Variants in VMP1 observed in about 807,000 individuals in gnomAD.
VMP1 encodes ectopic P-granules autophagy protein 3 homolog.
Under a neutral mutation model 56.0 loss-of-function variants are expected in VMP1, and 11 were observed. The ratio of observed to expected loss-of-function variants is 0.20; its 90% CI spans 0.12 to 0.32. VMP1 has a LOEUF of 0.32. VMP1 is among the 10% of genes least tolerant of loss of function. The pLI is 1.00. For synonymous variants in VMP1, 149 were observed against 165.0 expected (o/e 0.90, Z 0.74); for missense variants, 296 against 490.3 (o/e 0.60, Z 3.74).
chr17:59,838,630 A>G (rs918419163), intron 11 of VMP1: 16 of 508,576 alleles, frequency 3.1e-5, no homozygotes, highest in Non-Finnish European at 4.3e-5. Flanking sequence ...ATGGAAAGTA[A>G]TGGTTCTGTT....
intron 7 of VMP1, among the ~76,000 whole-genome samples, chr17:59,802,500 A>G (rs2037707685): frequency 6.6e-6 from 1 of 152,182 alleles, no homozygotes; most frequent in Non-Finnish European, 1.5e-5. Context: ...AGGTAATTTA[A>G]ACTTCCATAA....
chr17:59,722,657 A>G (rs558714732), intron 1 of VMP1, among the ~76,000 whole-genome samples: 2 of 152,334 alleles, frequency 1.3e-5, no homozygotes, highest in African/African-American at 4.8e-5. Flanking sequence ...CGTGGCCAAC[A>G]TGGTGAAACC....
At chr17:59,768,476 G>A (rs763590857) in intron 6 of VMP1, among the ~76,000 whole-genome samples, 1 of 151,892 alleles carries the variant, frequency 6.6e-6, no homozygotes, top group Admixed American at 6.6e-5. Flanking sequence ...GGTGGTGGGT[G>A]CCTGTAGTCA....
At chr17:59,790,650 C>T (rs2037192593) in intron 7 of VMP1, among the ~76,000 whole-genome samples, 1 of 151,968 alleles carries the variant, frequency 6.6e-6, no homozygotes, top group Non-Finnish European at 1.5e-5. Context: ...ATTAGCCGGG[C>T]AGTAGTGGCA....
intron 7 of VMP1, among the ~76,000 whole-genome samples, chr17:59,789,542 C>A (rs1242563438): frequency 6.6e-6 from 1 of 151,126 alleles, no homozygotes; most frequent in Non-Finnish European, 1.5e-5. Flanking sequence ...AAAAAAAAGG[C>A]CCTGTATTGA....
At chr17:59,759,916 T>G (rs1408029983) in intron 5 of VMP1, among the ~76,000 whole-genome samples, 1 of 149,388 alleles carries the variant, frequency 6.7e-6, no homozygotes, top group East Asian at 1.9e-4. Flanking sequence ...TTTTTTTTTT[T>G]TTTTTTTGGT....
chr17:59,744,884 A>C (rs2035367644), intron 5 of VMP1, among the ~76,000 whole-genome samples: 1 of 152,160 alleles, frequency 6.6e-6, no homozygotes, highest in South Asian at 2.1e-4. Flanking sequence ...AGCATTTATA[A>C]AATATAATTT....
chr17:59,771,988 T>C (rs1265174493), intron 6 of VMP1, among the ~76,000 whole-genome samples: 1 of 152,146 alleles, frequency 6.6e-6, no homozygotes, highest in Non-Finnish European at 1.5e-5. Flanking sequence ...AGGCTTAATC[T>C]TTTGGCAGTT....
chr17:59,794,663 T>C (rs1014759737), intron 7 of VMP1, among the ~76,000 whole-genome samples: 2 of 151,256 alleles, frequency 1.3e-5, no homozygotes, highest in African/African-American at 4.9e-5. Context: ...GAGAGCACTG[T>C]ATGTTTGTGT....
chr17:59,829,023 G>A (rs1166290630), intron 10 of VMP1, among the ~76,000 whole-genome samples: 1 of 152,184 alleles, frequency 6.6e-6, no homozygotes, highest in Non-Finnish European at 1.5e-5. Context: ...GGTTGAGGCA[G>A]GAGAATCGCT....
At chr17:59,708,023 C>T (rs1401389577) in intron 1 of VMP1, 2 of 152,228 alleles carry the variant, frequency 1.3e-5, no homozygotes, top group Non-Finnish European at 2.9e-5. Flanking sequence ...TACTTGGAAG[C>T]CTTGCTAGGC....
At chr17:59,709,231 T>A (rs1331913910) in intron 1 of VMP1, among the ~76,000 whole-genome samples, 1 of 152,254 alleles carries the variant, frequency 6.6e-6, no homozygotes, top group Non-Finnish European at 1.5e-5. Flanking sequence ...AATTTGCTTC[T>A]TGATTATATA....
chr17:59,797,343 A>T (rs1200535643), intron 7 of VMP1, among the ~76,000 whole-genome samples: 2 of 150,396 alleles, frequency 1.3e-5, no homozygotes, highest in Non-Finnish European at 3.0e-5. Flanking sequence ...TCTGTCTCAA[A>T]AAAAAAAAAA....
intron 9 of VMP1, among the ~76,000 whole-genome samples, chr17:59,813,235 A>G (rs1399530882): frequency 6.6e-6 from 1 of 152,166 alleles, no homozygotes; most frequent in African/African-American, 2.4e-5. Flanking sequence ...ATTTTGTTCA[A>G]TCAACGAACA....
At position 59,713,524 on chromosome 17, in the gene VMP1, T is replaced by C. The variant is rs192963813; in HGVS notation, c.-27+5776T>C. 2.5e-3 allele frequency among the ~76,000 whole-genome samples: 372 copies of C among 151,456 alleles called. 4 individuals carry two copies. Among genetic ancestry groups the C allele is most frequent in the African/African-American group, 6.8e-3 (280 of 41,214 alleles). On this transcript the variant is annotated intron_variant, in intron 1 of 11. Transcript: ENST00000262291. ...GGACCAGATGAGTCACCTGGGGAGA[T>C]AGGGAGAGGAGAGGGCCAAGGGCAG...
chr17:59,831,394 A>C (rs1394198401), intron 10 of VMP1, among the ~76,000 whole-genome samples: 1 of 151,788 alleles, frequency 6.6e-6, no homozygotes, highest in East Asian at 1.9e-4. Flanking sequence ...GCTGATCTCA[A>C]ACTCTTGGCC....
chr17:59,803,629 A>G (rs1423922837), intron 7 of VMP1, among the ~76,000 whole-genome samples: 3 of 152,222 alleles, frequency 2.0e-5, no homozygotes, highest in Non-Finnish European at 4.4e-5. Flanking sequence ...ATACAGAGAA[A>G]TGGAACTAAT....
intron 7 of VMP1, among the ~76,000 whole-genome samples, chr17:59,777,494 A>G (rs73315252): frequency 0.13 from 19,088 of 150,304 alleles, 1,464 homozygotes; most frequent in Middle Eastern, 0.22. Context: ...TTTTAGGTTC[A>G]TTATCTGAGG....
chr17:59,790,870 A>G lies in VMP1; in HGVS notation c.714+16985A>G, dbSNP rs556774100. ...TGTCAAATACTTCTCATTTCCTCTCATATTTTTCATAGCTTTATAGATTTC... is the reference window on the plus strand; with the variant it reads ...TGTCAAATACTTCTCATTTCCTCTCGTATTTTTCATAGCTTTATAGATTTC... On this transcript the variant is annotated intron_variant, in intron 7 of 11. Coordinates refer to ENST00000262291, the MANE Select transcript of VMP1 (RefSeq NM_030938.5). 1.9e-4 allele frequency among the ~76,000 whole-genome samples: 29 copies of G among 152,310 alleles called. No individual in the cohort carries two copies. The South Asian group carries it at 6.0e-3, about 32-fold the overall frequency.
Sources: gnomAD v4.1 joint callset for allele counts (sites outside exome capture counted in the v4.1 genomes callset) on GRCh38, gnomAD v4.1.1 for gene constraint, MANE v1.5 for transcripts, NCBI Gene and HGNC (gene_info 2026-07-23, HGNC 2026-07-21) for gene names.